The following USH2A variants were observed in gnomAD, a reference collection of about 807,000 sequenced individuals.
USH2A encodes Usher syndrome 2A (autosomal recessive, mild).
A neutral mutation model predicts 538.9 loss-of-function variants in USH2A; 443 were observed. The observed-to-expected ratio is 0.82, with a 90% CI of 0.76 to 0.89. USH2A has a LOEUF of 0.89. USH2A is among the 40% of genes least tolerant of loss of function. The pLI is 0.00. For synonymous variants in USH2A, 2,413 were observed against 2,273.5 expected (o/e 1.06, Z -1.75); for missense variants, 6,633 against 6,324.8 (o/e 1.05, Z -1.65).
intron 22 of USH2A, among the ~76,000 whole-genome samples, chr1:216,094,378 G>C (rs1010478963): frequency 6.6e-6 from 1 of 151,902 alleles, no homozygotes; most frequent in Non-Finnish European, 1.5e-5. Context: ...CCCACACCCC[G>C]CCACTAAGCT....
intron 61 of USH2A, among the ~76,000 whole-genome samples, chr1:215,715,905 C>T (rs944982477): frequency 6.6e-6 from 1 of 152,194 alleles, no homozygotes; most frequent in African/African-American, 2.4e-5. Flanking sequence ...AATATTTGGA[C>T]CATATGGCTC....
chr1:216,274,667 C>G (rs919919340), intron 11 of USH2A, among the ~76,000 whole-genome samples: 5 of 152,044 alleles, frequency 3.3e-5, no homozygotes, highest in African/African-American at 1.2e-4. Context: ...TAAAGTACAT[C>G]ATAATACTTG....
rs1192238763 is a variant in USH2A, at chr1:215,640,560, T to C, written c.14966A>G (p.Lys4989Arg). 9 of 1,613,566 alleles carry C rather than the reference T, an allele frequency of 5.6e-6. No homozygotes were observed. In the East Asian group the frequency reaches 6.7e-5, roughly 12 times the overall value. The change falls in exon 68 of 72, where the codon AAA (lysine) becomes AGA (arginine). Residue 4989 changes from lysine to arginine, a missense_variant and splice_region_variant. Lys to Arg is a conservative substitution (Grantham distance 26, BLOSUM62 2). Coordinates refer to ENST00000307340, the MANE Select transcript of USH2A (RefSeq NM_206933.4). The part of the protein sequence containing the change: ...TTLYIPRTAD[K>R]TFFFQVICTT... The stretch of plus-strand genomic sequence containing the variant: ...AGAAACAGGAGTCAGAAACTAACTT[T>C]TGTCCGCCGTTCTCGGTATGTAGAG...
At chr1:215,667,634 G>A (rs1657672766) in intron 64 of USH2A, among the ~76,000 whole-genome samples, 1 of 151,862 alleles carries the variant, frequency 6.6e-6, no homozygotes, top group African/African-American at 2.4e-5. Context: ...GGAGGCGGAG[G>A]TTACAGTGAG....
chr1:216,077,909 C>G (rs1299795978), intron 27 of USH2A, among the ~76,000 whole-genome samples, 180 bp downstream of exon 27: 1 of 151,888 alleles, frequency 6.6e-6, no homozygotes. Context: ...GGGTAACACA[C>G]AAAACTCTTT....
intron 4 of USH2A, among the ~76,000 whole-genome samples, chr1:216,334,074 T>C (rs1470858076): frequency 6.6e-6 from 1 of 152,076 alleles, no homozygotes; most frequent in Non-Finnish European, 1.5e-5. Context: ...AGATTATAAA[T>C]GTATTTTTAC....
intron 32 of USH2A, among the ~76,000 whole-genome samples, chr1:216,038,722 T>C (rs1334273436): frequency 6.6e-6 from 1 of 152,048 alleles, no homozygotes; most frequent in Non-Finnish European, 1.5e-5. Flanking sequence ...CACTTTTCTG[T>C]ATTAATTTAT....
At chr1:215,631,758 G>A (rs74458746) in intron 70 of USH2A, among the ~76,000 whole-genome samples, 3,137 of 152,266 alleles carry the variant, frequency 0.021, 52 homozygotes, top group Non-Finnish European at 0.029. Flanking sequence ...ACCTGACTCA[G>A]TCTTGGCCAC....
intron 32 of USH2A, among the ~76,000 whole-genome samples, chr1:216,012,405 T>G (rs1304337063): frequency 6.6e-6 from 1 of 152,104 alleles, no homozygotes; most frequent in African/African-American, 2.4e-5. Flanking sequence ...AACATGCCCC[T>G]AGTCAGATAA....
At chr1:215,999,126 G>A in intron 33 of USH2A, 68 bp from the exon 34 acceptor site, 2 of 1,326,422 alleles carry the variant, frequency 1.5e-6, no homozygotes, top group Non-Finnish European at 1.1e-6. Context: ...GATTTTCAAA[G>A]GACACATTTG....
At chr1:215,846,364 C>T (rs1663846685) in intron 44 of USH2A, among the ~76,000 whole-genome samples, 1 of 152,042 alleles carries the variant, frequency 6.6e-6, no homozygotes, top group Non-Finnish European at 1.5e-5. Context: ...AGGCTCAGGC[C>T]ATCACACTAG....
intron 15 of USH2A, among the ~76,000 whole-genome samples, chr1:216,213,850 A>G (rs2102491146): frequency 6.6e-6 from 1 of 152,194 alleles, no homozygotes; most frequent in African/African-American, 2.4e-5. Flanking sequence ...ATTAATAAGG[A>G]ATTCTTTAAC....
intron 9 of USH2A, among the ~76,000 whole-genome samples, chr1:216,300,962 C>T (rs1452109551): frequency 6.6e-6 from 1 of 151,798 alleles, no homozygotes; most frequent in Non-Finnish European, 1.5e-5. Context: ...GTTGCCCAGG[C>T]TCGTCTCAAA....
chr1:215,716,360 G>T (rs1477157730), intron 61 of USH2A, among the ~76,000 whole-genome samples: 1 of 152,206 alleles, frequency 6.6e-6, no homozygotes, highest in Non-Finnish European at 1.5e-5. Flanking sequence ...TCCCCATTCA[G>T]TCCACTTATA....
chr1:215,958,679 C>T (rs1667128053), intron 37 of USH2A, among the ~76,000 whole-genome samples: 1 of 152,044 alleles, frequency 6.6e-6, no homozygotes, highest in African/African-American at 2.4e-5. Flanking sequence ...CCAGATGTTA[C>T]CACTGCAGTA....
chr1:215,647,112 C>T (rs1401106322), intron 67 of USH2A, among the ~76,000 whole-genome samples: 1 of 152,214 alleles, frequency 6.6e-6, no homozygotes, highest in East Asian at 1.9e-4. Context: ...TTCCTTCACT[C>T]ACTTGCCCTT....
intron 60 of USH2A, among the ~76,000 whole-genome samples, chr1:215,728,927 A>G (rs777715221): frequency 2.6e-5 from 4 of 152,160 alleles, no homozygotes; most frequent in Non-Finnish European, 4.4e-5. Context: ...CTGGAACCAC[A>G]GGATATGGAA....
Position 215,799,105 on chromosome 1 carries a change from C to A in USH2A, c.9760G>T (p.Glu3254Ter). 1 of 1,613,878 alleles carries A rather than the reference C, an allele frequency of 6.2e-7. No homozygotes were observed. Among genetic ancestry groups the A allele is most frequent in the South Asian group, 1.1e-5 (1 of 91,052 alleles). ...ILPGEVCCPD[E>*]QHNRVSVGIG... ...CCAACAGAAACCCGATTGTGCTGTTCATCTGGACAGCATACTTCACCTGTC... is the reference window on the plus strand; with the variant it reads ...CCAACAGAAACCCGATTGTGCTGTTAATCTGGACAGCATACTTCACCTGTC... The change falls in exon 50 of 72, where the codon GAA (glutamate) becomes TAA (stop). Residue 3254 changes from glutamate to a stop codon, truncating the protein, a stop_gained. Coordinates refer to ENST00000307340, the MANE Select transcript of USH2A (RefSeq NM_206933.4). LOFTEE classifies it high-confidence loss of function.
intron 55 of USH2A, among the ~76,000 whole-genome samples, chr1:215,777,065 A>G (rs1223917217): frequency 6.6e-6 from 1 of 152,168 alleles, no homozygotes; most frequent in Non-Finnish European, 1.5e-5. Flanking sequence ...AACAAATCAA[A>G]AGTAGAACAG....
Sources: allele counts gnomAD v4.1 joint callset (sites outside exome capture counted in the v4.1 genomes callset), GRCh38; gene constraint gnomAD v4.1.1; transcripts MANE v1.5; gene names NCBI Gene and HGNC (gene_info 2026-07-23, HGNC 2026-07-21).